Variants in NCALD observed in about 807,000 individuals in gnomAD.
The protein encoded by NCALD is neurocalcin-delta.
NCALD carries 10 observed loss-of-function variants against 18.6 expected under a neutral mutation model. The observed-to-expected ratio is 0.54, with a 90% CI of 0.33 to 0.91. The LOEUF (loss-of-function observed/expected upper bound fraction) is 0.91, where lower values mean the gene tolerates loss of function less well. Among genes scored for constraint, NCALD ranks in the 40% least tolerant of loss-of-function variants. The pLI, the probability that NCALD is intolerant of heterozygous loss-of-function variation, is 0.03. For missense variants in NCALD, 184 were observed against 247.6 expected, an observed-to-expected ratio of 0.74 and a Z score of 1.72; for synonymous variants, 88 against 87.4, an observed-to-expected ratio of 1.01 and a Z score of -0.04.
In NCALD at chr8:101,689,037, T is replaced by C; in HGVS notation, c.*272A>G. On this transcript the variant is annotated 3_prime_UTR_variant, in exon 4 of 4. Transcript: ENST00000220931. This position sits in a 1 kb window ranked among gnomAD's most constrained non-coding sequence, Gnocchi z 4.4. ...ACGTTTTAGAACAGAGACATTAGAA[T>C]AAAAAAAAATAATAGTAACGATTAA... 1.4e-6 allele frequency: 1 copy of C among 693,318 alleles called. No individual in the cohort carries two copies. The allele number at this position is 693,318 out of a possible 1,614,324, so 42.9% of individuals were successfully genotyped here.
intron 2 of NCALD, among the ~76,000 whole-genome samples, chr8:101,713,142 T>C (rs1815890714): frequency 6.6e-6 from 1 of 152,142 alleles, no homozygotes; most frequent in East Asian, 1.9e-4. Flanking sequence ...ACTGCACAAG[T>C]ACGTGGAAAC....
chr8:101,891,138 A>ATT (rs766573782), intron 3 of NCALD, among the ~76,000 whole-genome samples: 20 of 150,306 alleles, frequency 1.3e-4, no homozygotes, highest in Non-Finnish European at 3.0e-4. Flanking sequence ...CCCATATGTA[A>ATT]TTTTTTTTTT....
intron 4 of NCALD, among the ~76,000 whole-genome samples, chr8:101,818,466 T>C (rs926513092): frequency 2.1e-4 from 32 of 152,156 alleles, no homozygotes; most frequent in African/African-American, 7.2e-4. Context: ...TACATATTCA[T>C]GTAAGAGCTG....
At chr8:101,991,304 C>T (rs1821038891) in intron 2 of NCALD, among the ~76,000 whole-genome samples, 2 of 152,074 alleles carry the variant, frequency 1.3e-5, no homozygotes, top group South Asian at 2.1e-4. Flanking sequence ...ATGGAAACGC[C>T]ACCAATGCTA....
intron 1 of NCALD, among the ~76,000 whole-genome samples, chr8:102,037,211 T>C (rs1189785764): frequency 6.6e-6 from 1 of 152,208 alleles, no homozygotes; most frequent in Non-Finnish European, 1.5e-5. Context: ...TAAACTTTAC[T>C]ATAATTCTAT....
intron 1 of NCALD, among the ~76,000 whole-genome samples, chr8:101,759,921 C>T (rs1264722252): frequency 1.3e-5 from 2 of 152,168 alleles, no homozygotes; most frequent in Non-Finnish European, 2.9e-5. Context: ...CTAGCACTTA[C>T]TCTCCCTTAG....
intron 1 of NCALD, among the ~76,000 whole-genome samples, chr8:102,098,720 G>C (rs1330249504): frequency 6.6e-6 from 1 of 152,048 alleles, no homozygotes; most frequent in Non-Finnish European, 1.5e-5. Flanking sequence ...ATCAGACCCT[G>C]CCTTCCCTAT....
intron 2 of NCALD, among the ~76,000 whole-genome samples, chr8:101,999,073 CAAAAA>C (rs34227411): frequency 2.5e-5 from 2 of 79,370 alleles, no homozygotes; most frequent in Non-Finnish European, 4.9e-5. Flanking sequence ...CACTCACCAT[CAAAAA>C]AAAAAAAAAA....
chr8:101,854,186 A>G (rs1275835929), intron 4 of NCALD, among the ~76,000 whole-genome samples: 2 of 152,170 alleles, frequency 1.3e-5, no homozygotes, highest in East Asian at 3.9e-4. Flanking sequence ...AGTTGTTTGC[A>G]CTATTGGTAG....
At chr8:102,035,293 C>A (rs1478739098) in intron 1 of NCALD, among the ~76,000 whole-genome samples, 3 of 152,096 alleles carry the variant, frequency 2.0e-5, no homozygotes, top group Admixed American at 2.0e-4. Context: ...CTTATATTAA[C>A]CCAAAATGGT....
At chr8:101,696,101 T>G (rs1204591858) in intron 2 of NCALD, among the ~76,000 whole-genome samples, 1 of 152,168 alleles carries the variant, frequency 6.6e-6, no homozygotes, top group Non-Finnish European at 1.5e-5. Context: ...CACCCACCAT[T>G]GCAGACGATC....
chr8:101,779,226 A>T (rs1226590348), intron 1 of NCALD, among the ~76,000 whole-genome samples: 1 of 152,194 alleles, frequency 6.6e-6, no homozygotes, highest in African/African-American at 2.4e-5. Flanking sequence ...GTAGATGTGG[A>T]GACAATGAAA....
chr8:101,829,468 G>A (rs966321379), intron 4 of NCALD, among the ~76,000 whole-genome samples: 1 of 152,154 alleles, frequency 6.6e-6, no homozygotes, highest in Non-Finnish European at 1.5e-5. Context: ...GTAACATTTT[G>A]TGTACTTCTG....
chr8:101,878,247 T>C (rs1816313283), intron 4 of NCALD, among the ~76,000 whole-genome samples: 1 of 152,272 alleles, frequency 6.6e-6, no homozygotes, highest in Non-Finnish European at 1.5e-5. Flanking sequence ...AGAGCTGTTA[T>C]GTTCAAACAG....
chr8:101,929,991 G>A (rs1818513381), intron 2 of NCALD, among the ~76,000 whole-genome samples: 4 of 152,168 alleles, frequency 2.6e-5, no homozygotes, highest in Middle Eastern at 3.4e-3. Context: ...GGAGATGGAG[G>A]TTACAGTGAG....
chr8:101,920,805 C>A (rs766459468), intron 2 of NCALD, among the ~76,000 whole-genome samples: 21 of 152,166 alleles, frequency 1.4e-4, no homozygotes, highest in Non-Finnish European at 2.6e-4. Context: ...GACAGAATCA[C>A]TGATACCCCG....
chr8:101,854,121 T>C (rs939030659), intron 4 of NCALD, among the ~76,000 whole-genome samples: 2 of 152,232 alleles, frequency 1.3e-5, no homozygotes, highest in African/African-American at 4.8e-5. Context: ...TTAGTTCTAC[T>C]TGCTCTTTAC....
At chr8:101,762,903 G>A (rs1350670627) in intron 1 of NCALD, among the ~76,000 whole-genome samples, 1 of 152,164 alleles carries the variant, frequency 6.6e-6, no homozygotes, top group Admixed American at 6.5e-5. Context: ...ATGGACAATA[G>A]ATGCTCAACT....
intron 1 of NCALD, among the ~76,000 whole-genome samples, chr8:102,095,154 A>G (rs1395925556): frequency 6.6e-6 from 1 of 152,144 alleles, no homozygotes; most frequent in East Asian, 1.9e-4. Context: ...GTCACATGAT[A>G]TGGGGGTGGT....
Sources: gnomAD v4.1 joint callset for allele counts (sites outside exome capture counted in the v4.1 genomes callset) on GRCh38, gnomAD v4.1.1 for gene constraint, Gnocchi (gnomAD v3.1) non-coding constraint, MANE v1.5 for transcripts, NCBI Gene and HGNC (gene_info 2026-07-23, HGNC 2026-07-21) for gene names.